FAM163A: variants seen among roughly 807,000 people sequenced by gnomAD.
FAM163A encodes family with sequence similarity 163 member A.
Under a neutral mutation model 12.0 loss-of-function variants are expected in FAM163A, and 7 were observed. The observed-to-expected ratio is 0.58, with a 90% confidence interval of 0.33 to 1.10. FAM163A has a LOEUF of 1.10. Ranked by LOEUF, FAM163A falls within the 50% of genes least tolerant of loss-of-function variation. The pLI is 0.03. For synonymous variants in FAM163A, 101 were observed against 91.0 expected (o/e 1.11, Z -0.62); for missense variants, 202 against 218.6 (o/e 0.92, Z 0.48).
At chr1:179,790,651 G>A (rs191883072) in intron 1 of FAM163A, among the ~76,000 whole-genome samples, 19 of 152,184 alleles carry the variant, frequency 1.2e-4, no homozygotes, top group Non-Finnish European at 2.6e-4. Context: ...CTGAGATTAG[G>A]ATTTTAGGAT....
chr1:179,749,508 G>T (rs1331356557), intron 1 of FAM163A, among the ~76,000 whole-genome samples: 1 of 152,184 alleles, frequency 6.6e-6, no homozygotes, highest in Non-Finnish European at 1.5e-5. Context: ...AAAACCCATG[G>T]AAACTGTGGG....
chr1:179,792,950 T>C (rs1691730667), intron 1 of FAM163A, among the ~76,000 whole-genome samples: 1 of 151,806 alleles, frequency 6.6e-6, no homozygotes, highest in African/African-American at 2.4e-5. Flanking sequence ...CAGCTGGTTT[T>C]GCCCCAGAAA....
intron 1 of FAM163A, among the ~76,000 whole-genome samples, chr1:179,772,706 C>A (rs968715661): frequency 2.6e-5 from 4 of 152,112 alleles, no homozygotes; most frequent in African/African-American, 9.7e-5. Context: ...ATCTACTTCT[C>A]TCTCACTTAA....
intron 1 of FAM163A, among the ~76,000 whole-genome samples, chr1:179,760,840 T>C (rs769232357): frequency 6.6e-6 from 1 of 152,186 alleles, no homozygotes; most frequent in Non-Finnish European, 1.5e-5. Flanking sequence ...TTCTTGTATG[T>C]CCCACAAGGA....
chr1:179,767,426 G>C (rs1557916417), intron 1 of FAM163A, among the ~76,000 whole-genome samples: 1 of 152,118 alleles, frequency 6.6e-6, no homozygotes. Flanking sequence ...TCTCAGCATT[G>C]TGCACTTTTA....
intron 1 of FAM163A, among the ~76,000 whole-genome samples, chr1:179,790,019 A>G (rs1014653113): frequency 9.2e-5 from 14 of 152,148 alleles, no homozygotes; most frequent in African/African-American, 3.4e-4. Context: ...ATGGTTTAGG[A>G]AAGTGAATAC....
chr1:179,745,455 T>C (rs1157278129), intron 1 of FAM163A, among the ~76,000 whole-genome samples: 2 of 152,130 alleles, frequency 1.3e-5, no homozygotes, highest in African/African-American at 4.8e-5. Flanking sequence ...CACAGTCCAG[T>C]CCTCACCCAG....
rs1239973954 is a variant in FAM163A, at chr1:179,775,245, G to T, written c.-136+31822G>T. 3.3e-5 allele frequency among the ~76,000 whole-genome samples: 5 copies of T among 152,180 alleles called. No individual in the cohort carries two copies. In the East Asian group the frequency reaches 7.7e-4, roughly 23 times the overall value. On this transcript the variant is annotated intron_variant, in intron 1 of 4. Transcript: ENST00000341785. Reference sequence around the variant, plus strand: ...CAGAGGCTGAAGTGAAATTACAGAGGTCATACTCCTGTGCAAACATCCAAT... The same window carrying T: ...CAGAGGCTGAAGTGAAATTACAGAGTTCATACTCCTGTGCAAACATCCAAT...
intron 1 of FAM163A, among the ~76,000 whole-genome samples, chr1:179,767,331 C>T (rs1408875972): frequency 2.0e-5 from 3 of 152,124 alleles, no homozygotes; most frequent in Non-Finnish European, 2.9e-5. Context: ...TGATAATGAG[C>T]GCTAAAAGCA....
At position 179,773,300 on chromosome 1, in the gene FAM163A, A is replaced by G. The variant is rs573737711; in HGVS notation, c.-136+29877A>G. Among the ~76,000 whole-genome samples the G allele has an allele frequency of 2.5e-4, 38 of 152,260 alleles. No homozygotes were observed. In the East Asian group the frequency reaches 7.2e-3, roughly 29 times the overall value. ...GTATCTTGACTGTGGTGGTGGTCAC[A>G]AATCTACGCAAGTGATAGAACTGCA... On this transcript the variant is annotated intron_variant, in intron 1 of 4. Coordinates refer to ENST00000341785, the MANE Select transcript of FAM163A (RefSeq NM_173509.3).
chr1:179,798,075 C>T (rs1325991446), intron 1 of FAM163A, among the ~76,000 whole-genome samples: 1 of 152,060 alleles, frequency 6.6e-6, no homozygotes, highest in African/African-American at 2.4e-5. Context: ...ACTAAAAATA[C>T]AAAAACTAGC....
chr1:179,737,423 A>C, the FAM163A span, among the ~76,000 whole-genome samples: 1 of 152,242 alleles, frequency 6.6e-6, no homozygotes, highest in South Asian at 2.1e-4. Flanking sequence ...TAAATTCCAG[A>C]GATCTGCCAT....
intron 3 of FAM163A, 38 bp from the exon 4 acceptor site, chr1:179,813,038 G>T: frequency 6.5e-7 from 1 of 1,537,798 alleles, no homozygotes; most frequent in Middle Eastern, 1.8e-4. Flanking sequence ...CAGGGCTGCA[G>T]CCACAGCTGG....
intron 2 of FAM163A, among the ~76,000 whole-genome samples, chr1:179,811,754 T>C (rs1281327455): frequency 6.6e-6 from 1 of 152,212 alleles, no homozygotes; most frequent in African/African-American, 2.4e-5. Flanking sequence ...TAGCCCCCAC[T>C]TGCCCTTTGA....
chr1:179,766,034 G>A (rs1229335641), intron 1 of FAM163A, among the ~76,000 whole-genome samples: 1 of 152,152 alleles, frequency 6.6e-6, no homozygotes, highest in Non-Finnish European at 1.5e-5. Context: ...AACAATCTGG[G>A]TTCCAGAAAT....
At position 179,814,202 on chromosome 1, in the gene FAM163A, CG is replaced by C. The variant is rs1224193335; in HGVS notation, c.*14del. ...TACAGACGTGTAAATCCTTCCACCC[CG>C]ACCCGCACACACACCCACACTGCTG... On this transcript the variant is annotated 3_prime_UTR_variant, in exon 5 of 5. Transcript: ENST00000341785. The C allele has an allele frequency of 9.4e-6, 15 of 1,590,612 alleles. No homozygotes were observed. The highest frequency in any genetic ancestry group is 1.7e-5 in the Admixed American group (1 of 58,002).
intron 1 of FAM163A, among the ~76,000 whole-genome samples, 164 bp downstream of exon 1, chr1:179,743,587 T>G (rs745419475): frequency 8.6e-5 from 13 of 152,038 alleles, no homozygotes; most frequent in Non-Finnish European, 1.6e-4. Context: ...CCCGGCTGCC[T>G]CCCTCTGCCC....
intron 1 of FAM163A, among the ~76,000 whole-genome samples, chr1:179,780,393 G>T (rs1689548306): frequency 6.6e-6 from 1 of 152,180 alleles, no homozygotes; most frequent in African/African-American, 2.4e-5. Flanking sequence ...AGTGTTATTT[G>T]CCAGTGACCA....
chr1:179,765,286 A>G (rs757978805), intron 1 of FAM163A, among the ~76,000 whole-genome samples: 51 of 152,336 alleles, frequency 3.3e-4, no homozygotes, highest in Non-Finnish European at 6.8e-4. Context: ...GCACCTGGGC[A>G]TCTTGTTAAA....
Sources: gnomAD v4.1 joint callset for allele counts (sites outside exome capture counted in the v4.1 genomes callset) on GRCh38, gnomAD v4.1.1 for gene constraint, MANE v1.5 for transcripts, NCBI Gene and HGNC (gene_info 2026-07-23, HGNC 2026-07-21) for gene names.